Variants in ZNF320 observed in about 807,000 individuals in gnomAD.
ZNF320 encodes zinc finger protein 320, also known as zinc finger gene 320.
A neutral mutation model predicts 6.8 loss-of-function variants in ZNF320; 2 were observed. The ratio of observed to expected loss-of-function variants is 0.29; its 90% CI spans 0.12 to 0.93. ZNF320 has a LOEUF of 0.93. Among genes scored for constraint, ZNF320 ranks in the 40% least tolerant of loss-of-function variants. The pLI, the probability that ZNF320 is intolerant of heterozygous loss-of-function variation, is 0.55. For synonymous variants in ZNF320, 208 were observed against 203.2 expected (o/e 1.02, Z -0.20); for missense variants, 472 against 611.0 (o/e 0.77, Z 2.40).
chr19:52,883,692 G>GT, intron 5 of ZNF320: 1 of 439,928 alleles, frequency 2.3e-6, no homozygotes, highest in Non-Finnish European at 4.6e-6. Context: ...GAGGTCAGGA[G>GT]TTTGAGACCA....
chr19:52,881,856 A>T lies in ZNF320; in HGVS notation c.270T>A (p.Ile90=). 1 of 1,613,832 alleles carries T rather than the reference A, an allele frequency of 6.2e-7. No homozygotes were observed. Among genetic ancestry groups the T allele is most frequent in the Non-Finnish European group, 8.5e-7 (1 of 1,179,850 alleles). Residue 90 remains isoleucine, a synonymous_variant, in exon 6 of 6, where the codon ATT becomes ATA. Transcript: ENST00000682928. ...YHIGAFCSQE[I]EKDIHDFVFQ... ...ACACAAAGTCATGAATGTCTTTCTC[A>T]ATTTCCTGGGAGCAAAATGCTCCAA...
downstream of ZNF320, chr19:52,874,173 C>T: frequency 4.7e-6 from 1 of 212,420 alleles, no homozygotes; most frequent in South Asian, 5.8e-5. Flanking sequence ...AGAAAGACAG[C>T]CCTCTGCTGC....
At chr19:52,860,039 A>G (rs182365868), downstream of ZNF320, among the ~76,000 whole-genome samples, 106 of 151,870 alleles carry the variant, frequency 7.0e-4, no homozygotes, top group African/African-American at 2.3e-3. Flanking sequence ...CAGCCTCCAG[A>G]GTAGCTGGGA....
chr19:52,862,420 A>G (rs1180203923), exon 6 of ZNF320: 8 of 437,744 alleles, frequency 1.8e-5, no homozygotes, highest in Non-Finnish European at 3.7e-5. Flanking sequence ...ACTTTGTCAC[A>G]GGTTTTTCTC....
exon 6 of ZNF320, among the ~76,000 whole-genome samples, chr19:52,861,049 T>C (rs1263798179): frequency 2.0e-5 from 3 of 151,832 alleles, no homozygotes; most frequent in Non-Finnish European, 4.4e-5. Flanking sequence ...CGAAAACTCA[T>C]CCAAATCAGA....
At chr19:52,873,767 C>A (rs147596050), downstream of ZNF320, among the ~76,000 whole-genome samples, 1 of 152,170 alleles carries the variant, frequency 6.6e-6, no homozygotes, top group Admixed American at 6.5e-5. Flanking sequence ...CTGGTGTGAG[C>A]CCTTCCCAGG....
upstream of ZNF320, among the ~76,000 whole-genome samples, chr19:52,900,071 T>C (rs1268224780): frequency 1.4e-4 from 22 of 152,336 alleles, no homozygotes; most frequent in South Asian, 4.3e-3. Flanking sequence ...GATGGCTTAC[T>C]GGTGCCAATT....
chr19:52,862,410 A>G, exon 6 of ZNF320: 1 of 445,050 alleles, frequency 2.2e-6, no homozygotes, highest in South Asian at 1.7e-5. Context: ...ACGACTGAAA[A>G]CTTTGTCACA....
At chr19:52,903,445 AC>A in the ZNF320 span, among the ~76,000 whole-genome samples, 1 of 151,972 alleles carries the variant, frequency 6.6e-6, no homozygotes, top group East Asian at 1.9e-4. Context: ...GAGGTCTAAA[AC>A]CAGGTGTAAC....
downstream of ZNF320, among the ~76,000 whole-genome samples, chr19:52,860,449 A>G (rs966252777): frequency 2.0e-4 from 30 of 151,960 alleles, no homozygotes; most frequent in South Asian, 6.2e-4. Context: ...AAATGCAACA[A>G]TTAGCCAGGC....
downstream of ZNF320, among the ~76,000 whole-genome samples, chr19:52,859,832 T>C (rs960402771): frequency 5.0e-4 from 76 of 152,098 alleles, no homozygotes; most frequent in Non-Finnish European, 1.2e-4. Context: ...GGAAACTAAA[T>C]TTTATTGCAC....
At chr19:52,866,258 G>C (rs1255910159) in intron 5 of ZNF320, among the ~76,000 whole-genome samples, 1 of 146,448 alleles carries the variant, frequency 6.8e-6, no homozygotes, top group Non-Finnish European at 1.5e-5. Context: ...AAAATCATAA[G>C]GCTGGATGCA....
intron 5 of ZNF320, among the ~76,000 whole-genome samples, chr19:52,868,677 T>C (rs1006875270): frequency 6.6e-6 from 1 of 151,796 alleles, no homozygotes; most frequent in Non-Finnish European, 1.5e-5. Context: ...CTAAGCAAAA[T>C]AGTCCACCAA....
At chr19:52,869,564 T>G (rs11671541) in intron 5 of ZNF320, among the ~76,000 whole-genome samples, 39,909 of 151,696 alleles carry the variant, frequency 0.26, 5,577 homozygotes, top group South Asian at 0.34. Flanking sequence ...TGAGATGGAG[T>G]GTCACTCTTT....
chr19:52,881,062 T>G lies in ZNF320; in HGVS notation c.1064A>C (p.Lys355Thr). ...ERHRRIHTGE[K>T]PYKCKVCDKA... ...GTCACAAACCTTACATTTGTATGGT[T>G]TCTCTCCAGTATGAATCCTCCTATG... Residue 355 changes from lysine to threonine, a missense_variant, in exon 6 of 6, where the codon AAA becomes ACA. Physicochemically the swap from Lys to Thr is moderately conservative, Grantham distance 78. Around this residue, in one of 2 missense-constraint regions of ZNF320, gnomAD observed 462 missense variants for 559.7 expected, o/e 0.83. Transcript: ENST00000682928. The G allele has an allele frequency of 6.2e-7, 1 of 1,614,200 alleles. No homozygotes were observed. Among genetic ancestry groups the G allele is most frequent in the Non-Finnish European group, 8.5e-7 (1 of 1,180,040 alleles).
downstream of ZNF320, among the ~76,000 whole-genome samples, chr19:52,872,112 G>A (rs1238469463): frequency 9.9e-5 from 15 of 152,132 alleles, no homozygotes; most frequent in Admixed American, 2.0e-4. Context: ...TTGAGCCCAC[G>A]AATTTGAGGC....
Position 52,880,719 on chromosome 19 carries a change from G to A in ZNF320, c.1407C>T (p.Tyr469=), listed in dbSNP as rs369546350. ...AGACCTTGCCACACTGATGACATTT[G>A]TAAGATTTCTGTCCAGTATGGATTC... ...HQRIHTGQKS[Y]KCHQCGKVFS... is the part of the protein sequence containing the mutation. The change falls in exon 6 of 6, where the codon TAC becomes TAT. Residue 469 remains tyrosine, a synonymous_variant. Transcript: ENST00000682928. 1 of 1,613,920 alleles carries A rather than the reference G, an allele frequency of 6.2e-7. No individual in the cohort carries two copies.
At chr19:52,897,767 G>C (rs374003087), upstream of ZNF320, 2 of 152,472 alleles carry the variant, frequency 1.3e-5, no homozygotes, top group Admixed American at 6.5e-5. Flanking sequence ...GGACTAGGCC[G>C]GGATGAGACG....
chr19:52,890,108 G>A (rs1350542592), intron 4 of ZNF320, 133 bp downstream of exon 4: 6 of 1,395,076 alleles, frequency 4.3e-6, no homozygotes, highest in African/African-American at 1.4e-5. Context: ...AAGAGGGACT[G>A]AGGGAAGGCA....
Sources: allele counts gnomAD v4.1 joint callset (sites outside exome capture counted in the v4.1 genomes callset), GRCh38; gene constraint gnomAD v4.1.1; regional missense constraint gnomAD v4.1.1; transcripts MANE v1.5; gene names NCBI Gene and HGNC (gene_info 2026-07-23, HGNC 2026-07-21).